The following ZNF804B variants were observed in gnomAD, a reference collection of about 807,000 sequenced individuals.
The protein encoded by ZNF804B is zinc finger protein 804B.
A neutral mutation model predicts 101.4 loss-of-function variants in ZNF804B; 80 were observed. That is an observed-to-expected ratio of 0.79 (90% CI 0.66 to 0.95). The LOEUF (loss-of-function observed/expected upper bound fraction) is 0.95. Among genes scored for constraint, ZNF804B ranks in the 40% least tolerant of loss-of-function variants. ZNF804B has a pLI of 0.00. For synonymous variants in ZNF804B, 622 were observed against 558.8 expected (o/e 1.11, Z -1.59); for missense variants, 1,673 against 1,561.9 (o/e 1.07, Z -1.20).
At chr7:89,007,444 TTTTATATATATATATATATA>T (rs1428552946) in intron 1 of ZNF804B, among the ~76,000 whole-genome samples, 3 of 47,712 alleles carry the variant, frequency 6.3e-5, no homozygotes, top group African/African-American at 3.0e-4. Context: ...TTATCCATGA[TTTTATATATATATATATATA>T]TATATATATA....
At chr7:88,884,869 G>A (rs1386357298) in intron 1 of ZNF804B, among the ~76,000 whole-genome samples, 1 of 151,832 alleles carries the variant, frequency 6.6e-6, no homozygotes, top group Admixed American at 6.6e-5. Context: ...TTGAGTGGAA[G>A]TCACCATAAT....
At chr7:89,184,496 T>C (rs960473080) in intron 1 of ZNF804B, among the ~76,000 whole-genome samples, 10 of 152,204 alleles carry the variant, frequency 6.6e-5, no homozygotes, top group Non-Finnish European at 7.3e-5. Flanking sequence ...TAAATGTCAG[T>C]TCTTTCTCTT....
chr7:89,031,140 G>A (rs1584084357), intron 1 of ZNF804B, among the ~76,000 whole-genome samples: 2 of 150,552 alleles, frequency 1.3e-5, no homozygotes, highest in African/African-American at 2.4e-5. Context: ...TGCACATTAC[G>A]CACATGTACC....
chr7:89,224,686 C>G (rs1483306296), intron 2 of ZNF804B, among the ~76,000 whole-genome samples: 1 of 150,360 alleles, frequency 6.7e-6, no homozygotes, highest in Non-Finnish European at 1.5e-5. Flanking sequence ...ATTTTGCATT[C>G]TGTAAACCAA....
intron 2 of ZNF804B, among the ~76,000 whole-genome samples, chr7:89,275,776 A>G (rs1204248848): frequency 1.1e-4 from 17 of 151,822 alleles, no homozygotes; most frequent in Non-Finnish European, 2.5e-4. Context: ...TTTTCTCCCT[A>G]CAAGAAAGTG....
Position 88,808,067 on chromosome 7 carries a change from A to G in ZNF804B, c.108+47983A>G, listed in dbSNP as rs147366777. On this transcript the variant is annotated intron_variant, in intron 1 of 3. Transcript: ENST00000333190. ...TTGAAGGCCCAGCAATCAGGCTTAC[A>G]TTCAAATATGTACTCACTTTATCTC... 2.2e-3 allele frequency among the ~76,000 whole-genome samples: 337 copies of G among 152,274 alleles called. 2 individuals carry two copies. The highest frequency in any genetic ancestry group is 9.3e-4 in the Non-Finnish European group (63 of 68,022).
At chr7:89,011,544 C>T (rs778066930) in intron 1 of ZNF804B, among the ~76,000 whole-genome samples, 2 of 152,142 alleles carry the variant, frequency 1.3e-5, no homozygotes, top group Non-Finnish European at 2.9e-5. Context: ...AATAGAGATA[C>T]AGGCATTGGG....
intron 2 of ZNF804B, among the ~76,000 whole-genome samples, chr7:89,273,296 A>C (rs1789926930): frequency 6.6e-6 from 1 of 152,136 alleles, no homozygotes; most frequent in African/African-American, 2.4e-5. Context: ...AACCATGCCA[A>C]GCTAAATGAA....
chr7:88,987,752 G>T (rs552891222), intron 1 of ZNF804B, among the ~76,000 whole-genome samples: 87 of 152,010 alleles, frequency 5.7e-4, no homozygotes, highest in African/African-American at 2.0e-3. Context: ...CATTTATTTG[G>T]GTTGGGAACA....
At chr7:89,138,679 C>T (rs1790672334) in intron 1 of ZNF804B, among the ~76,000 whole-genome samples, 4 of 152,044 alleles carry the variant, frequency 2.6e-5, no homozygotes, top group African/African-American at 9.7e-5. Flanking sequence ...CCAGTTCCCA[C>T]ATGTTGTGGG....
intron 1 of ZNF804B, among the ~76,000 whole-genome samples, chr7:89,101,732 G>A (rs1790058267): frequency 6.6e-6 from 1 of 151,748 alleles, no homozygotes; most frequent in Admixed American, 6.6e-5. Flanking sequence ...TTTAGATTCG[G>A]GGATACAAGT....
At chr7:89,158,119 C>A (rs962141717) in intron 1 of ZNF804B, among the ~76,000 whole-genome samples, 15 of 152,078 alleles carry the variant, frequency 9.9e-5, no homozygotes, top group Non-Finnish European at 1.8e-4. Context: ...CAAAAGGATG[C>A]ATCTCAACAA....
At chr7:89,232,291 G>A (rs947296316) in intron 2 of ZNF804B, among the ~76,000 whole-genome samples, 1 of 151,992 alleles carries the variant, frequency 6.6e-6, no homozygotes, top group African/African-American at 2.4e-5. Context: ...CACTCATGGT[G>A]GATAACATCT....
chr7:88,868,538 A>G (rs1791771875), intron 1 of ZNF804B, among the ~76,000 whole-genome samples: 1 of 152,234 alleles, frequency 6.6e-6, no homozygotes, highest in Non-Finnish European at 1.5e-5. Flanking sequence ...CCATACACAC[A>G]TAACAAACCC....
At chr7:88,929,799 C>T (rs1261350694) in intron 1 of ZNF804B, among the ~76,000 whole-genome samples, 1 of 151,920 alleles carries the variant, frequency 6.6e-6, no homozygotes, top group African/African-American at 2.4e-5. Context: ...TAAGGTATTA[C>T]AATTTTGTGA....
At chr7:88,860,044 A>C (rs1384260981) in intron 1 of ZNF804B, among the ~76,000 whole-genome samples, 5 of 152,030 alleles carry the variant, frequency 3.3e-5, no homozygotes, top group African/African-American at 1.2e-4. Context: ...ACTTTCAAAA[A>C]TATAATGTTC....
At chr7:89,014,656 T>A (rs1788514947) in intron 1 of ZNF804B, among the ~76,000 whole-genome samples, 1 of 152,208 alleles carries the variant, frequency 6.6e-6, no homozygotes, top group African/African-American at 2.4e-5. Flanking sequence ...CATTTGTATG[T>A]CTCTGAGAAA....
At chr7:89,091,362 T>G (rs1299856557) in intron 1 of ZNF804B, among the ~76,000 whole-genome samples, 1 of 152,188 alleles carries the variant, frequency 6.6e-6, no homozygotes, top group Non-Finnish European at 1.5e-5. Flanking sequence ...GAAACAAATA[T>G]GTAGTAACAG....
chr7:89,143,133 T>G lies in ZNF804B; in HGVS notation c.109-75022T>G, dbSNP rs114228246. Among the ~76,000 whole-genome samples the G allele has an allele frequency of 7.6e-3, 1,150 of 151,960 alleles. 11 individuals carry two copies. Among genetic ancestry groups the G allele is most frequent in the African/African-American group, 0.026 (1,088 of 41,482 alleles). On this transcript the variant is annotated intron_variant, in intron 1 of 3. Transcript: ENST00000333190. ...ATAGCTAAAATTAAACTGTACATGT[T>G]TTTACCCATAATTTGTTAAGAAAAG...
Sources: gnomAD v4.1 joint callset for allele counts (sites outside exome capture counted in the v4.1 genomes callset) on GRCh38, gnomAD v4.1.1 for gene constraint, MANE v1.5 for transcripts, NCBI Gene and HGNC (gene_info 2026-07-23, HGNC 2026-07-21) for gene names.